Variants in BRAF observed in about 807,000 individuals in gnomAD.
BRAF encodes B-Raf proto-oncogene, serine/threonine kinase, also known as serine/threonine-protein kinase B-raf.
A neutral mutation model predicts 104.6 loss-of-function variants in BRAF; 16 were observed. That is an observed-to-expected ratio of 0.15 (90% CI 0.10 to 0.23). BRAF has a LOEUF of 0.23. BRAF is among the 10% of genes least tolerant of loss of function. The pLI is 1.00. For synonymous variants in BRAF, 310 were observed against 341.6 expected (o/e 0.91, Z 1.02); for missense variants, 541 against 937.3 (o/e 0.58, Z 5.52).
intron 16 of BRAF, among the ~76,000 whole-genome samples, chr7:140,750,255 T>C (rs547726400): frequency 2.0e-5 from 3 of 152,294 alleles, no homozygotes; most frequent in Admixed American, 2.0e-4. Flanking sequence ...TGTGACAATG[T>C]CAATTTGACA....
intron 9 of BRAF, chr7:140,785,878 A>G: frequency 2.5e-6 from 1 of 398,136 alleles, no homozygotes. Flanking sequence ...GAAAGAAGTC[A>G]TGGGGAATAA....
chr7:140,884,681 A>G (rs1158915758), intron 1 of BRAF, among the ~76,000 whole-genome samples: 4 of 151,826 alleles, frequency 2.6e-5, no homozygotes, highest in African/African-American at 9.7e-5. Context: ...GGGTCTTGCT[A>G]TGTTGGATCT....
At chr7:140,915,131 T>A (rs1251083503) in intron 1 of BRAF, among the ~76,000 whole-genome samples, 1 of 150,180 alleles carries the variant, frequency 6.7e-6, no homozygotes, top group Non-Finnish European at 1.5e-5. Context: ...CCCTTTAATA[T>A]TAAAAATACA....
rs974196930 is a variant in BRAF, at chr7:140,723,945, T to C, written c.*2549A>G. On this transcript the variant is annotated 3_prime_UTR_variant, in exon 20 of 20. Transcript: ENST00000644969. ...CAAATAAAACCTATTTTCATGTCAT[T>C]TGTAAACTAGAGAAAAAACCTATTT... 55 of 1,041,660 alleles carry C rather than the reference T, an allele frequency of 5.3e-5. No homozygotes were observed. Among genetic ancestry groups the C allele is most frequent in the Non-Finnish European group, 6.4e-5 (55 of 864,166 alleles). 64.5% of individuals were successfully genotyped at this position (1,041,660 alleles called of 1,614,324 possible). A position where few individuals can be genotyped will look rare whatever the true frequency, so the allele number is the denominator to read the frequency against.
chr7:140,770,804 G>A (rs564123371), intron 14 of BRAF, among the ~76,000 whole-genome samples: 6 of 151,890 alleles, frequency 4.0e-5, no homozygotes, highest in African/African-American at 1.2e-4. Context: ...GTGGTGGTGG[G>A]TGCCTGTAAT....
At chr7:140,771,457 G>C (rs1295469469) in intron 14 of BRAF, among the ~76,000 whole-genome samples, 1 of 152,188 alleles carries the variant, frequency 6.6e-6, no homozygotes, top group East Asian at 1.9e-4. Context: ...GCCTCACAAA[G>C]TGCTGGGATT....
intron 14 of BRAF, chr7:140,773,471 G>A (rs1800037145): frequency 1.3e-5 from 2 of 152,118 alleles, no homozygotes; most frequent in Non-Finnish European, 2.9e-5. Flanking sequence ...AGAGAGGGCT[G>A]GGGAAATCTC....
intron 1 of BRAF, among the ~76,000 whole-genome samples, chr7:140,919,517 A>C (rs10232600): frequency 0.3 from 45,401 of 151,762 alleles, 10,849 homozygotes; most frequent in African/African-American, 0.67. Context: ...CTCAGAGGGT[A>C]GGGGGGAAAA....
intron 3 of BRAF, among the ~76,000 whole-genome samples, chr7:140,813,648 T>C (rs1305449885): frequency 1.3e-5 from 2 of 152,168 alleles, no homozygotes; most frequent in South Asian, 4.1e-4. Context: ...AAATACACTA[T>C]AGTACATCTA....
chr7:140,714,603 T>G (rs984411062), downstream of BRAF, among the ~76,000 whole-genome samples: 3 of 152,152 alleles, frequency 2.0e-5, no homozygotes, highest in African/African-American at 7.2e-5. Flanking sequence ...TCAAGTGATC[T>G]TCCTGCCTTG....
intron 1 of BRAF, among the ~76,000 whole-genome samples, chr7:140,867,799 T>C (rs1176803550): frequency 6.6e-6 from 1 of 152,162 alleles, no homozygotes; most frequent in East Asian, 1.9e-4. Flanking sequence ...AGACATAGCA[T>C]TAATGACCCC....
downstream of BRAF, among the ~76,000 whole-genome samples, chr7:140,717,569 C>T (rs1460557394): frequency 1.3e-5 from 2 of 152,122 alleles, no homozygotes; most frequent in Non-Finnish European, 2.9e-5. Flanking sequence ...CACTTTTTGC[C>T]CTAACATTTT....
At chr7:140,882,764 G>A (rs1450304207) in intron 1 of BRAF, among the ~76,000 whole-genome samples, 5 of 151,950 alleles carry the variant, frequency 3.3e-5, no homozygotes, top group South Asian at 2.1e-4. Context: ...AGGCCGAGGC[G>A]GGTGGATCAC....
chr7:140,763,855 T>G (rs1218336763), intron 14 of BRAF, among the ~76,000 whole-genome samples: 4 of 152,228 alleles, frequency 2.6e-5, no homozygotes, highest in Admixed American at 1.3e-4. Flanking sequence ...CAAAGCTGAA[T>G]TCTACCAGAG....
intron 7 of BRAF, chr7:140,799,200 TTAA>T (rs1802831146): frequency 1.4e-5 from 3 of 220,860 alleles, no homozygotes; most frequent in Non-Finnish European, 2.7e-5. Context: ...CCTCAACTGA[TTAA>T]TAATACTGTT....
chr7:140,815,417 T>C (rs1431078635), intron 3 of BRAF, among the ~76,000 whole-genome samples: 2 of 151,164 alleles, frequency 1.3e-5, no homozygotes, highest in South Asian at 2.1e-4. Flanking sequence ...AGTGCTAGGA[T>C]TACAGGTGTG....
At chr7:140,828,824 G>A (rs1243445336) in intron 3 of BRAF, among the ~76,000 whole-genome samples, 1 of 152,132 alleles carries the variant, frequency 6.6e-6, no homozygotes, top group Non-Finnish European at 1.5e-5. Context: ...TATTATCAAA[G>A]TGCTTTCCAA....
chr7:140,901,698 T>G (rs1225905494), intron 1 of BRAF, among the ~76,000 whole-genome samples: 1 of 152,240 alleles, frequency 6.6e-6, no homozygotes, highest in African/African-American at 2.4e-5. Context: ...CTCTTCTTTA[T>G]AAAGATTTTG....
chr7:140,716,744 A>G (rs1218394937), downstream of BRAF, among the ~76,000 whole-genome samples: 2 of 152,252 alleles, frequency 1.3e-5, no homozygotes, highest in African/African-American at 4.8e-5. Context: ...ACCTTAATGT[A>G]AATACCACAA....
Sources: allele counts gnomAD v4.1 joint callset (sites outside exome capture counted in the v4.1 genomes callset), GRCh38; gene constraint gnomAD v4.1.1; transcripts MANE v1.5; gene names NCBI Gene and HGNC (gene_info 2026-07-23, HGNC 2026-07-21).